Variants in MPRIP observed in about 807,000 individuals in gnomAD.
MPRIP encodes the protein myosin phosphatase Rho interacting protein.
In MPRIP, 59 loss-of-function variants were observed where a neutral mutation model predicts 234.9. The observed-to-expected ratio is 0.25, with a 90% confidence interval of 0.20 to 0.31. The LOEUF (loss-of-function observed/expected upper bound fraction) is 0.31, where lower values mean the gene tolerates loss of function less well. Among genes scored for constraint, MPRIP ranks in the 10% least tolerant of loss-of-function variants. The pLI is 1.00. For synonymous variants in MPRIP, 1,144 were observed against 1,263.9 expected (o/e 0.91, Z 2.01); for missense variants, 2,436 against 3,071.0 (o/e 0.79, Z 4.89).
intron 3 of MPRIP, among the ~76,000 whole-genome samples, chr17:17,124,526 A>G (rs180967003): frequency 2.0e-3 from 311 of 152,298 alleles, no homozygotes; most frequent in Non-Finnish European, 2.5e-3. Context: ...GGTGGGAGTC[A>G]AAGACCAGAG....
At chr17:17,153,778 G>T (rs1455247917) in intron 12 of MPRIP, among the ~76,000 whole-genome samples, 1 of 152,062 alleles carries the variant, frequency 6.6e-6, no homozygotes, top group Non-Finnish European at 1.5e-5. Flanking sequence ...AGGTCTCCCT[G>T]CCTTTTCTCA....
chr17:17,085,460 C>T (rs1379082009), intron 3 of MPRIP, among the ~76,000 whole-genome samples: 7 of 152,244 alleles, frequency 4.6e-5, no homozygotes, highest in African/African-American at 1.7e-4. Flanking sequence ...TGCTTTCAGA[C>T]TTTTGGTTGA....
At chr17:17,117,618 G>A (rs933878612) in intron 3 of MPRIP, among the ~76,000 whole-genome samples, 1 of 152,226 alleles carries the variant, frequency 6.6e-6, no homozygotes, top group Non-Finnish European at 1.5e-5. Context: ...GTCCACTGAT[G>A]GACATTTGGG....
At chr17:17,112,744 C>T (rs1386088214) in intron 3 of MPRIP, among the ~76,000 whole-genome samples, 1 of 152,204 alleles carries the variant, frequency 6.6e-6, no homozygotes, top group Non-Finnish European at 1.5e-5. Flanking sequence ...TGGGTTGGTG[C>T]CACTGGACAA....
intron 3 of MPRIP, among the ~76,000 whole-genome samples, chr17:17,083,696 C>T (rs2089519343): frequency 6.6e-6 from 1 of 152,110 alleles, no homozygotes. Flanking sequence ...GCTGGGAAAC[C>T]AGTTTAAATA....
In MPRIP at chr17:17,186,814, A is replaced by G. The variant is rs969570546; in HGVS notation, c.*1920A>G. 1.3e-5 allele frequency: 2 copies of G among 152,306 alleles called. No homozygotes were observed. The highest frequency in any genetic ancestry group is 6.5e-5 in the Admixed American group (1 of 15,292). The allele number at this position is 152,306 out of a possible 1,614,324, so 9.4% of individuals were successfully genotyped here. A position where few individuals can be genotyped will look rare whatever the true frequency, so the allele number is the denominator to read the frequency against. On this transcript the variant is annotated 3_prime_UTR_variant, in exon 24 of 24. Transcript: ENST00000651222. ...CCTTTCTGTGTCAATGGGAATATAC[A>G]GAAGGAACATTCGGGACCCCGCTGT...
chr17:17,080,535 A>G (rs1284794900), intron 3 of MPRIP, among the ~76,000 whole-genome samples: 1 of 152,178 alleles, frequency 6.6e-6, no homozygotes. Context: ...CCTCAGCGTC[A>G]TGCCTCCCAG....
At chr17:17,092,217 G>A (rs555932215) in intron 3 of MPRIP, among the ~76,000 whole-genome samples, 3 of 152,360 alleles carry the variant, frequency 2.0e-5, no homozygotes, top group African/African-American at 7.2e-5. Context: ...AGAGCCACAG[G>A]TGTCAGCCTC....
At chr17:17,127,217 C>G (rs1489081029) in intron 4 of MPRIP, among the ~76,000 whole-genome samples, 1 of 152,230 alleles carries the variant, frequency 6.6e-6, no homozygotes, top group Non-Finnish European at 1.5e-5. Flanking sequence ...GCTCCTCCTT[C>G]CAGGGCTGGT....
chr17:17,131,263 A>C (rs931256180), intron 4 of MPRIP, among the ~76,000 whole-genome samples: 1 of 152,202 alleles, frequency 6.6e-6, no homozygotes, highest in Non-Finnish European at 1.5e-5. Context: ...CTGTTGCCCT[A>C]AATGGGCACA....
chr17:17,109,843 C>T (rs972111030), intron 3 of MPRIP, among the ~76,000 whole-genome samples: 1 of 152,238 alleles, frequency 6.6e-6, no homozygotes, highest in African/African-American at 2.4e-5. Context: ...GGTGCACATG[C>T]GGATGGGGGT....
chr17:17,050,600 C>T (rs1167250962), intron 1 of MPRIP, among the ~76,000 whole-genome samples: 4 of 152,190 alleles, frequency 2.6e-5, no homozygotes, highest in Admixed American at 2.6e-4. Flanking sequence ...AGTGCTGCTT[C>T]TCTGGGACTT....
chr17:17,084,804 C>T (rs1244351724), intron 3 of MPRIP, among the ~76,000 whole-genome samples: 1 of 152,222 alleles, frequency 6.6e-6, no homozygotes, highest in Admixed American at 6.5e-5. Flanking sequence ...AAGCTAGCTG[C>T]AGGCCTGCAA....
chr17:17,166,718 G>A lies in MPRIP; in HGVS notation c.5127G>A (p.Arg1709=). The A allele has an allele frequency of 7.7e-7, 1 of 1,304,184 alleles. No individual in the cohort carries two copies. Among genetic ancestry groups the A allele is most frequent in the Non-Finnish European group, 1.0e-6 (1 of 988,970 alleles). 80.8% of individuals were successfully genotyped at this position (1,304,184 alleles called of 1,614,324 possible). A position where few individuals can be genotyped will look rare whatever the true frequency, so the allele number is the denominator to read the frequency against. ...TALRQHKCLL[R]EILGAYQTPD... ...TGCGGCAGCACAAATGCCTGCTGAG[G>A]GAAATCCTGGGAGCCTACCAAACCC... Residue 1709 remains arginine, a synonymous_variant, in exon 16 of 24, where the codon AGG becomes AGA. Transcript: ENST00000651222. This position sits in a 1 kb window ranked among gnomAD's most constrained non-coding sequence, Gnocchi z 4.4.
chr17:17,144,606 C>T (rs1247014221), intron 9 of MPRIP, among the ~76,000 whole-genome samples: 1 of 152,158 alleles, frequency 6.6e-6, no homozygotes, highest in African/African-American at 2.4e-5. Flanking sequence ...GTCTGTAATC[C>T]AAGCACTTTG....
In MPRIP at chr17:17,165,489, A is replaced by G. The variant is rs865817997; in HGVS notation, c.3898A>G (p.Arg1300Gly). The G allele has an allele frequency of 2.3e-5, 30 of 1,304,350 alleles. No homozygotes were observed. The Middle Eastern group carries it at 5.3e-3, about 231-fold the overall frequency. The allele number at this position is 1,304,350 out of a possible 1,614,324, so 80.8% of individuals were successfully genotyped here. Residue 1300 changes from arginine to glycine, a missense_variant, in exon 16 of 24, where the codon AGG becomes GGG. Arg to Gly is a moderately radical substitution (Grantham distance 125). This residue lies in a region of MPRIP where 1,998 missense variants were observed against 2,520.3 expected (regional missense o/e 0.79). Coordinates refer to ENST00000651222, the MANE Select transcript of MPRIP (RefSeq NM_001364716.4). ...VPPKSVEVLD[R>G]EGHQQGTAKL... ...CCCAAAGTCAGTGGAAGTGCTTGAC[A>G]GGGAGGGCCATCAGCAGGGCACAGC...
intron 1 of MPRIP, among the ~76,000 whole-genome samples, chr17:17,045,096 T>C (rs1222278953): frequency 6.6e-6 from 1 of 152,080 alleles, no homozygotes; most frequent in East Asian, 1.9e-4. Flanking sequence ...TTCCCATCAG[T>C]CTCCCCCAAG....
intron 1 of MPRIP, among the ~76,000 whole-genome samples, chr17:17,055,102 A>C (rs1161547105): frequency 2.6e-5 from 4 of 151,866 alleles, no homozygotes; most frequent in Non-Finnish European, 4.4e-5. Context: ...TGAAGGGGCC[A>C]GGCTTCATCA....
chr17:17,138,375 G>A lies in MPRIP; in HGVS notation c.1196G>A (p.Arg399Gln). Residue 399 changes from arginine to glutamine, a missense_variant, in exon 7 of 24, where the codon CGG becomes CAG. Arg to Gln is a conservative substitution (Grantham distance 43, BLOSUM62 1). Transcript: ENST00000651222. This position sits in a 1 kb window ranked among gnomAD's most constrained non-coding sequence, Gnocchi z 5.8. ...AGAAGGCGGCTGGAGCGTAGAACTCGGGCCCGGAGCCCTGGCAGGGAGGAG... is the reference window on the plus strand; with the variant it reads ...AGAAGGCGGCTGGAGCGTAGAACTCAGGCCCGGAGCCCTGGCAGGGAGGAG... ...VERRRLERRT[R>Q]ARSPGREEVA... The A allele has an allele frequency of 9.3e-6, 3 of 322,652 alleles. No homozygotes were observed. The highest frequency in any genetic ancestry group is 1.6e-4 in the South Asian group (2 of 12,436). The allele number at this position is 322,652 out of a possible 1,614,324, so 20.0% of individuals were successfully genotyped here.
Sources: gnomAD v4.1 joint callset for allele counts (sites outside exome capture counted in the v4.1 genomes callset) on GRCh38, gnomAD v4.1.1 for gene constraint, gnomAD v4.1.1 regional missense constraint, Gnocchi (gnomAD v3.1) non-coding constraint, MANE v1.5 for transcripts, NCBI Gene and HGNC (gene_info 2026-07-23, HGNC 2026-07-21) for gene names.